The following BCL2L1 variants were observed in gnomAD, a reference collection of about 807,000 sequenced individuals.
The protein encoded by BCL2L1 is bcl-2-like protein 1.
BCL2L1 carries 1 observed loss-of-function variant against 18.7 expected under a neutral mutation model. The observed-to-expected ratio is 0.05, with a 90% confidence interval of 0.02 to 0.25. BCL2L1 has a LOEUF of 0.25. BCL2L1 is among the 10% of genes least tolerant of loss of function. The pLI is 1.00. For missense variants in BCL2L1, 207 were observed against 304.9 expected, an observed-to-expected ratio of 0.68 and a Z score of 2.39; for synonymous variants, 103 against 122.7, an observed-to-expected ratio of 0.84 and a Z score of 1.06.
intron 2 of BCL2L1, among the ~76,000 whole-genome samples, chr20:31,696,409 GTGC>G (rs1031216585): frequency 6.6e-6 from 1 of 152,092 alleles, no homozygotes; most frequent in African/African-American, 2.4e-5. Context: ...TCATCTACTT[GTGC>G]CTGCACCCAT....
chr20:31,674,754 A>G (rs1417102205), intron 2 of BCL2L1, among the ~76,000 whole-genome samples: 1 of 151,854 alleles, frequency 6.6e-6, no homozygotes, highest in African/African-American at 2.4e-5. Flanking sequence ...ATGCACCTAT[A>G]GTCCCAGCTA....
intron 2 of BCL2L1, among the ~76,000 whole-genome samples, chr20:31,703,493 GTTTT>G (rs34123351): frequency 7.5e-6 from 1 of 133,796 alleles, no homozygotes; most frequent in Non-Finnish European, 1.6e-5. Context: ...CTTGGTGGTT[GTTTT>G]TTTTTTTTTT....
intron 2 of BCL2L1, among the ~76,000 whole-genome samples, chr20:31,701,132 C>T (rs1311466869): frequency 6.6e-6 from 1 of 152,174 alleles, no homozygotes; most frequent in Non-Finnish European, 1.5e-5. Context: ...CAGCTCACTG[C>T]AACCTCCGCC....
At chr20:31,680,931 G>C (rs1341898172) in intron 2 of BCL2L1, among the ~76,000 whole-genome samples, 1 of 152,242 alleles carries the variant, frequency 6.6e-6, no homozygotes, top group African/African-American at 2.4e-5. Flanking sequence ...AATTTGATCA[G>C]AGACCTGAAT....
chr20:31,683,586 C>G (rs909628176), intron 2 of BCL2L1, among the ~76,000 whole-genome samples: 1 of 151,966 alleles, frequency 6.6e-6, no homozygotes, highest in Admixed American at 6.6e-5. Flanking sequence ...CTGGCCAACA[C>G]AGTGAAACCC....
chr20:31,672,987 A>T (rs1000834525), intron 2 of BCL2L1, among the ~76,000 whole-genome samples: 22 of 151,488 alleles, frequency 1.5e-4, no homozygotes, highest in Admixed American at 1.4e-3. Flanking sequence ...GGCATGAGCA[A>T]CTGTGCCCAC....
At chr20:31,709,106 C>T (rs2061412956) in intron 2 of BCL2L1, among the ~76,000 whole-genome samples, 1 of 152,136 alleles carries the variant, frequency 6.6e-6, no homozygotes, top group African/African-American at 2.4e-5. Flanking sequence ...TGCTCTGGGC[C>T]TCTCCCCATT....
chr20:31,718,655 CAA>C (rs969020819), intron 2 of BCL2L1, among the ~76,000 whole-genome samples: 30 of 66,098 alleles, frequency 4.5e-4, no homozygotes, highest in Admixed American at 6.5e-4. Flanking sequence ...GACTCCGTCT[CAA>C]AAAAAAAAAA....
chr20:31,667,518 A>G (rs563411803), intron 2 of BCL2L1, among the ~76,000 whole-genome samples: 178 of 76,306 alleles, frequency 2.3e-3, no homozygotes, highest in Non-Finnish European at 2.9e-3. Flanking sequence ...TGTGTGTAAA[A>G]TGAATGAGTT....
chr20:31,723,617 C>A, upstream of BCL2L1: 2 of 985,398 alleles, frequency 2.0e-6, no homozygotes, highest in Non-Finnish European at 2.4e-6. Flanking sequence ...AGGGGCCTCG[C>A]CCCCGGCGGT....
chr20:31,721,291 C>A (rs1361194633), intron 2 of BCL2L1, among the ~76,000 whole-genome samples: 1 of 152,200 alleles, frequency 6.6e-6, no homozygotes, highest in Non-Finnish European at 1.5e-5. Flanking sequence ...ACTCATCACC[C>A]CTTTGTGTGT....
At chr20:31,697,806 C>T (rs2061200751) in intron 2 of BCL2L1, among the ~76,000 whole-genome samples, 1 of 151,870 alleles carries the variant, frequency 6.6e-6, no homozygotes, top group African/African-American at 2.4e-5. Flanking sequence ...CTAGAGCATA[C>T]CTCATAAAAC....
rs577378728 is a variant in BCL2L1, at chr20:31,666,069, G to A, written c.582C>T (p.Leu194=). The A allele has an allele frequency of 3.5e-5, 57 of 1,614,094 alleles. 1 individual carries two copies. The South Asian group carries it at 5.9e-4, about 17-fold the overall frequency. ...TCTCGGCTGCTGCATTGTTCCCATA[G>A]AGTTCCACAAAAGTATCCTGCAGGG... ...ENGGWDTFVE[L]YGNNAAAESR... The change falls in exon 3 of 3, where the codon CTC becomes CTT. Residue 194 remains leucine, a synonymous_variant. Transcript: ENST00000307677.
intron 2 of BCL2L1, chr20:31,720,840 C>A: frequency 2.0e-6 from 2 of 985,410 alleles, no homozygotes; most frequent in Non-Finnish European, 2.4e-6. Flanking sequence ...CTTGCTTTGC[C>A]AGCAAACAGT....
In BCL2L1 at chr20:31,698,021, G is replaced by A. The variant is rs138654690; in HGVS notation, c.564+23634C>T. 6.7e-3 allele frequency among the ~76,000 whole-genome samples: 1,021 copies of A among 151,340 alleles called. 16 individuals are homozygous for A. Among genetic ancestry groups the A allele is most frequent in the African/African-American group, 0.023 (963 of 41,030 alleles). ...TCCTGCCTCAGCCTCCTGAGTAACT[G>A]GGATGATAGGCACACGCCATCATGC... On this transcript the variant is annotated intron_variant, in intron 2 of 2. Coordinates refer to ENST00000307677, the MANE Select transcript of BCL2L1 (RefSeq NM_138578.3).
At chr20:31,670,184 T>C (rs954299074) in intron 2 of BCL2L1, among the ~76,000 whole-genome samples, 1 of 152,174 alleles carries the variant, frequency 6.6e-6, no homozygotes, top group African/African-American at 2.4e-5. Flanking sequence ...TGGCTATGCT[T>C]CCCTGTCTCC....
At position 31,683,951 on chromosome 20, in the gene BCL2L1, C is replaced by T. The variant is rs968403961; in HGVS notation, c.565-17865G>A. On this transcript the variant is annotated intron_variant, in intron 2 of 2. Transcript: ENST00000307677. ...CTTCCTATAAAGAGTATCATTTGCCCCAGATGGAAATCAACATAAAATACA... is the reference window on the plus strand; with the variant it reads ...CTTCCTATAAAGAGTATCATTTGCCTCAGATGGAAATCAACATAAAATACA... Among the ~76,000 whole-genome samples the T allele has an allele frequency of 2.0e-5, 3 of 152,084 alleles. No individual in the cohort carries two copies. In the South Asian group the frequency reaches 6.2e-4, roughly 31 times the overall value.
intron 2 of BCL2L1, among the ~76,000 whole-genome samples, chr20:31,679,025 C>CACT (rs1479562765): frequency 4.6e-5 from 7 of 152,218 alleles, no homozygotes; most frequent in Admixed American, 2.6e-4. Flanking sequence ...AACCCACATC[C>CACT]ACTGACTGTC....
upstream of BCL2L1, chr20:31,723,847 C>T (rs2061674669): frequency 1.0e-6 from 1 of 985,344 alleles, no homozygotes; most frequent in African/African-American, 1.7e-5. Context: ...GGCCGGCCTA[C>T]CTGGCTGCCG....
Sources: allele counts gnomAD v4.1 joint callset (sites outside exome capture counted in the v4.1 genomes callset), GRCh38; gene constraint gnomAD v4.1.1; transcripts MANE v1.5; gene names NCBI Gene and HGNC (gene_info 2026-07-23, HGNC 2026-07-21).